Variants in GLIS3 observed in about 807,000 individuals in gnomAD.
GLIS3 encodes the protein GLIS family zinc finger 3.
In GLIS3, 53 loss-of-function variants were observed where a neutral mutation model predicts 78.6. The ratio of observed to expected loss-of-function variants is 0.67; its 90% CI spans 0.54 to 0.85. The LOEUF (loss-of-function observed/expected upper bound fraction) is 0.85, where lower values mean the gene tolerates loss of function less well. Among genes scored for constraint, GLIS3 ranks in the 40% least tolerant of loss-of-function variants. The pLI is 0.00. For missense variants in GLIS3, 1,703 were observed against 1,231.1 expected, an observed-to-expected ratio of 1.38 and a Z score of -5.74; for synonymous variants, 684 against 509.9, an observed-to-expected ratio of 1.34 and a Z score of -4.60.
At chr9:3,964,081 C>A (rs778086921) in intron 4 of GLIS3, among the ~76,000 whole-genome samples, 32 of 152,126 alleles carry the variant, frequency 2.1e-4, no homozygotes, top group Non-Finnish European at 4.7e-4. Context: ...CAAACAGACA[C>A]CGAGAGAGTG....
At chr9:4,426,818 C>G in the GLIS3 span, among the ~76,000 whole-genome samples, 1 of 152,216 alleles carries the variant, frequency 6.6e-6, no homozygotes, top group African/African-American at 2.4e-5. Flanking sequence ...TCCCACTTCA[C>G]AGAGTTGTGT....
the GLIS3 span, among the ~76,000 whole-genome samples, chr9:4,391,240 G>T: frequency 6.6e-6 from 1 of 152,162 alleles, no homozygotes; most frequent in Non-Finnish European, 1.5e-5. Flanking sequence ...GTGGGGACAT[G>T]GGGGGTACCT....
At chr9:4,085,034 TGTTA>T (rs1471456136) in intron 4 of GLIS3, among the ~76,000 whole-genome samples, 2 of 151,852 alleles carry the variant, frequency 1.3e-5, no homozygotes, top group African/African-American at 4.8e-5. Context: ...AAAATGATCT[TGTTA>T]GTGTTTATAC....
At chr9:4,296,711 G>A (rs1457637304) in intron 1 of GLIS3, among the ~76,000 whole-genome samples, 1 of 151,976 alleles carries the variant, frequency 6.6e-6, no homozygotes, top group Non-Finnish European at 1.5e-5. Context: ...AGTCTTCTGG[G>A]CAAGAAAAGA....
intron 4 of GLIS3, among the ~76,000 whole-genome samples, chr9:4,002,207 A>G (rs1009409556): frequency 1.3e-5 from 2 of 152,200 alleles, no homozygotes; most frequent in African/African-American, 4.8e-5. Flanking sequence ...GACATGAGTA[A>G]GAGGTCACAA....
At chr9:4,370,200 A>C in the GLIS3 span, among the ~76,000 whole-genome samples, 1 of 151,550 alleles carries the variant, frequency 6.6e-6, no homozygotes, top group Non-Finnish European at 1.5e-5. Flanking sequence ...AAAAAAAAAA[A>C]AAACAACCAA....
intron 8 of GLIS3, among the ~76,000 whole-genome samples, chr9:3,875,121 A>T (rs1263171133): frequency 6.6e-6 from 1 of 152,220 alleles, no homozygotes. Context: ...AAACTCATTG[A>T]ATTAACATTT....
intron 4 of GLIS3, among the ~76,000 whole-genome samples, chr9:4,014,452 G>T (rs1317202266): frequency 6.6e-6 from 1 of 152,172 alleles, no homozygotes; most frequent in Non-Finnish European, 1.5e-5. Flanking sequence ...AATGCAAAAT[G>T]AATGGTGTTT....
At chr9:4,083,233 T>C (rs1263670915) in intron 4 of GLIS3, among the ~76,000 whole-genome samples, 1 of 152,196 alleles carries the variant, frequency 6.6e-6, no homozygotes, top group Non-Finnish European at 1.5e-5. Flanking sequence ...AGTTGTCTTG[T>C]GGACCCTCTT....
intron 4 of GLIS3, among the ~76,000 whole-genome samples, chr9:4,037,925 C>A (rs571317): frequency 0.33 from 49,850 of 151,532 alleles, 8,759 homozygotes; most frequent in African/African-American, 0.46. Context: ...CAGCTGCCCA[C>A]ATTCAGGGGA....
At chr9:4,098,730 A>G (rs549064710) in intron 4 of GLIS3, among the ~76,000 whole-genome samples, 129 of 152,324 alleles carry the variant, frequency 8.5e-4, no homozygotes, top group African/African-American at 3.0e-3. Context: ...AAAAAGTTTT[A>G]CGATCGAAAT....
intron 9 of GLIS3, among the ~76,000 whole-genome samples, chr9:3,847,667 A>T (rs1208022907): frequency 5.3e-5 from 8 of 152,204 alleles, no homozygotes; most frequent in Non-Finnish European, 1.2e-4. Context: ...GGTTCACATG[A>T]CCATCTCACA....
At chr9:4,073,559 C>T (rs781045718) in intron 4 of GLIS3, among the ~76,000 whole-genome samples, 7 of 152,182 alleles carry the variant, frequency 4.6e-5, no homozygotes, top group Non-Finnish European at 8.8e-5. Context: ...AGAAATACAA[C>T]GCACAGCTGC....
intron 7 of GLIS3, among the ~76,000 whole-genome samples, chr9:3,892,227 T>G (rs573222843): frequency 2.6e-5 from 4 of 151,440 alleles, no homozygotes; most frequent in Admixed American, 2.0e-4. Context: ...CAGCTAGAAA[T>G]AGGGAGTTCT....
chr9:4,197,603 G>A (rs544707148), intron 2 of GLIS3, among the ~76,000 whole-genome samples: 32 of 152,316 alleles, frequency 2.1e-4, no homozygotes, highest in Non-Finnish European at 4.0e-4. Context: ...TGCTGCTGGG[G>A]AAGTGTAGGC....
intron 2 of GLIS3, among the ~76,000 whole-genome samples, chr9:4,216,519 A>AG (rs1820862337): frequency 1.3e-5 from 2 of 151,642 alleles, no homozygotes; most frequent in Admixed American, 1.3e-4. Context: ...AAAAAGAAAA[A>AG]AAAAAAAGAA....
the GLIS3 span, among the ~76,000 whole-genome samples, chr9:4,449,566 G>C: frequency 6.6e-6 from 1 of 152,242 alleles, no homozygotes; most frequent in South Asian, 2.1e-4. Context: ...ACATCTCCCA[G>C]TAGGGGCCAA....
In GLIS3 at chr9:3,824,780, A is replaced by G. The variant is rs1817637137; in HGVS notation, c.*3492T>C. The G allele has an allele frequency of 6.6e-6, 1 of 152,542 alleles. No individual in the cohort carries two copies. The highest frequency in any genetic ancestry group is 2.4e-5 in the African/African-American group (1 of 41,416). 9.4% of individuals were successfully genotyped at this position (152,542 alleles called of 1,614,324 possible). A position where few individuals can be genotyped will look rare whatever the true frequency, so the allele number is the denominator to read the frequency against. On this transcript the variant is annotated 3_prime_UTR_variant, in exon 11 of 11. Coordinates refer to ENST00000381971, the MANE Select transcript of GLIS3 (RefSeq NM_001042413.2). ...CAAGAGTCTGTGTGATTTATGGAAA[A>G]CAGATTTCCACTTTTTTCCCCCAAA... is the stretch of plus-strand genomic sequence containing the variant.
At chr9:4,266,554 TAC>T (rs1826025641) in intron 2 of GLIS3, among the ~76,000 whole-genome samples, 1 of 151,182 alleles carries the variant, frequency 6.6e-6, no homozygotes, top group African/African-American at 2.4e-5. Context: ...CTCTTCAGCA[TAC>T]ACAAATATAG....
Sources: allele counts gnomAD v4.1 joint callset (sites outside exome capture counted in the v4.1 genomes callset), GRCh38; gene constraint gnomAD v4.1.1; transcripts MANE v1.5; gene names NCBI Gene and HGNC (gene_info 2026-07-23, HGNC 2026-07-21).